ULK4: variants seen among roughly 807,000 people sequenced by gnomAD.
ULK4 encodes the protein inactive serine/threonine-protein kinase ULK4.
In ULK4, 133 loss-of-function variants were observed where a neutral mutation model predicts 160.6. The observed-to-expected ratio is 0.83, with a 90% CI of 0.72 to 0.96. The LOEUF is 0.96. ULK4 is among the 40% of genes least tolerant of loss of function. The probability of loss-of-function intolerance (pLI) is 0.00; values close to 1 mark genes in which losing one functional copy is unlikely to be tolerated. For missense variants in ULK4, 1,580 were observed against 1,499.5 expected (o/e 1.05, Z -0.89); for synonymous variants, 534 against 539.8 (o/e 0.99, Z 0.15).
At chr3:41,825,872 T>G (rs549311530) in intron 18 of ULK4, among the ~76,000 whole-genome samples, 12 of 152,048 alleles carry the variant, frequency 7.9e-5, no homozygotes, top group Non-Finnish European at 1.5e-4. Flanking sequence ...TTCATGAAAG[T>G]TGAAATGAAG....
chr3:41,444,745 C>T (rs947241294), intron 34 of ULK4, among the ~76,000 whole-genome samples: 3 of 151,980 alleles, frequency 2.0e-5, no homozygotes, highest in Non-Finnish European at 4.4e-5. Flanking sequence ...TTTGAAAGGC[C>T]GAGGTGGACG....
chr3:41,657,713 A>T (rs903288510), intron 30 of ULK4, among the ~76,000 whole-genome samples: 1 of 151,420 alleles, frequency 6.6e-6, no homozygotes, highest in Non-Finnish European at 1.5e-5. Flanking sequence ...GCTACTCAGG[A>T]GGCAGAGGCA....
At chr3:41,885,057 A>G (rs1419288029) in intron 16 of ULK4, among the ~76,000 whole-genome samples, 1 of 152,078 alleles carries the variant, frequency 6.6e-6, no homozygotes, top group Non-Finnish European at 1.5e-5. Flanking sequence ...GGGGTCCGCT[A>G]TGATGCCCAG....
At chr3:41,661,317 T>C (rs1350247656) in intron 30 of ULK4, among the ~76,000 whole-genome samples, 1 of 152,168 alleles carries the variant, frequency 6.6e-6, no homozygotes, top group Non-Finnish European at 1.5e-5. Flanking sequence ...GCAAACTTCA[T>C]AGATACAGAA....
At chr3:41,623,481 G>A (rs569407591) in intron 30 of ULK4, among the ~76,000 whole-genome samples, 9 of 151,878 alleles carry the variant, frequency 5.9e-5, no homozygotes, top group Middle Eastern at 3.4e-3. Flanking sequence ...CCATCACTGG[G>A]TGAATGAATA....
At chr3:41,540,411 C>T (rs886496489) in intron 32 of ULK4, among the ~76,000 whole-genome samples, 8 of 152,112 alleles carry the variant, frequency 5.3e-5, no homozygotes, top group Non-Finnish European at 1.2e-4. Flanking sequence ...TGTATATGTG[C>T]CACATTTTCT....
chr3:41,371,263 A>G (rs1429267723), intron 35 of ULK4, among the ~76,000 whole-genome samples: 1 of 152,212 alleles, frequency 6.6e-6, no homozygotes, highest in Non-Finnish European at 1.5e-5. Context: ...TGAAGAGAGC[A>G]GCGGTTCTCT....
intron 35 of ULK4, among the ~76,000 whole-genome samples, chr3:41,293,188 C>T (rs961498488): frequency 6.6e-5 from 10 of 151,940 alleles, no homozygotes; most frequent in African/African-American, 2.4e-4. Flanking sequence ...GGAAGGTTAT[C>T]ATTTAGATAA....
At chr3:41,593,365 A>C (rs1304212431) in intron 31 of ULK4, among the ~76,000 whole-genome samples, 1 of 152,124 alleles carries the variant, frequency 6.6e-6, no homozygotes, top group Non-Finnish European at 1.5e-5. Context: ...AAGTTTCTAC[A>C]TTGTACAGTT....
chr3:41,774,039 A>T (rs1379968112), intron 21 of ULK4, among the ~76,000 whole-genome samples: 1 of 152,184 alleles, frequency 6.6e-6, no homozygotes, highest in African/African-American at 2.4e-5. Flanking sequence ...CTGAAACTGG[A>T]TCCCTTCCTT....
intron 17 of ULK4, among the ~76,000 whole-genome samples, chr3:41,875,064 C>T (rs1219942843): frequency 6.6e-6 from 1 of 152,068 alleles, no homozygotes; most frequent in Non-Finnish European, 1.5e-5. Context: ...CCTGTAGTCC[C>T]AGCTACTGGG....
At chr3:41,381,895 T>C (rs945831771) in intron 35 of ULK4, among the ~76,000 whole-genome samples, 1 of 152,080 alleles carries the variant, frequency 6.6e-6, no homozygotes, top group African/African-American at 2.4e-5. Flanking sequence ...TCACATCCTA[T>C]TTGTCTCCTT....
intron 35 of ULK4, among the ~76,000 whole-genome samples, chr3:41,257,983 T>C (rs1346838624): frequency 6.6e-6 from 1 of 152,190 alleles, no homozygotes; most frequent in Non-Finnish European, 1.5e-5. Context: ...TACCAAACCA[T>C]TTTCTATAGC....
intron 34 of ULK4, among the ~76,000 whole-genome samples, chr3:41,424,886 TCTC>T (rs1351672726): frequency 4.3e-4 from 64 of 148,798 alleles, no homozygotes; most frequent in African/African-American, 1.5e-3. Flanking sequence ...GAGTGTCTCT[TCTC>T]CTCCAAATGA....
At chr3:41,412,488 G>A (rs1463920291) in intron 34 of ULK4, among the ~76,000 whole-genome samples, 1 of 150,574 alleles carries the variant, frequency 6.6e-6, no homozygotes, top group Non-Finnish European at 1.5e-5. Flanking sequence ...GCAAATCTGA[G>A]GAGGAGCCCA....
chr3:41,584,412 C>T (rs1392919279), intron 31 of ULK4, among the ~76,000 whole-genome samples: 1 of 152,078 alleles, frequency 6.6e-6, no homozygotes, highest in Admixed American at 6.5e-5. Context: ...CTGCCTCAGC[C>T]TCCCAAGTAG....
At chr3:41,819,591 G>A (rs2041079305) in intron 18 of ULK4, 85 bp from the exon 19 acceptor site, 2 of 1,148,996 alleles carry the variant, frequency 1.7e-6, no homozygotes, top group Non-Finnish European at 2.5e-6. Context: ...ACAGCTCCAA[G>A]TATACAAACT....
At chr3:41,809,833 C>G (rs1030430576) in intron 19 of ULK4, among the ~76,000 whole-genome samples, 1 of 152,100 alleles carries the variant, frequency 6.6e-6, no homozygotes, top group African/African-American at 2.4e-5. Context: ...CTAAAATCGA[C>G]TTAAGTTTAT....
At chr3:41,955,608 G>T (rs1278802056) in intron 1 of ULK4, 1 of 156,490 alleles carries the variant, frequency 6.4e-6, no homozygotes, top group Non-Finnish European at 1.4e-5. Flanking sequence ...CTCCCTACGA[G>T]CTGGCGCGCC....
Sources: allele counts gnomAD v4.1 joint callset (sites outside exome capture counted in the v4.1 genomes callset), GRCh38; gene constraint gnomAD v4.1.1; transcripts MANE v1.5; gene names NCBI Gene and HGNC (gene_info 2026-07-23, HGNC 2026-07-21).